LGSN: variants seen among roughly 807,000 people sequenced by gnomAD.
LGSN encodes the protein lengsin, lens protein with glutamine synthetase domain.
Under a neutral mutation model 19.5 loss-of-function variants are expected in LGSN, and 21 were observed. The ratio of observed to expected loss-of-function variants is 1.07; its 90% CI spans 0.76 to 1.55. The LOEUF (loss-of-function observed/expected upper bound fraction) is 1.55. Ranked by LOEUF, LGSN falls within the 40% of genes most tolerant of loss-of-function variation. The pLI, the probability that LGSN is intolerant of heterozygous loss-of-function variation, is 0.00. For missense variants in LGSN, 673 were observed against 608.5 expected (o/e 1.11, Z -1.12); for synonymous variants, 257 against 215.6 (o/e 1.19, Z -1.68).
the LGSN span, among the ~76,000 whole-genome samples, chr6:63,359,467 CT>C: frequency 6.6e-6 from 1 of 152,096 alleles, no homozygotes; most frequent in Non-Finnish European, 1.5e-5. Flanking sequence ...TGGTCCTGGA[CT>C]TTTTTTGGTT....
chr6:63,445,939 G>A, the LGSN span, among the ~76,000 whole-genome samples: 2 of 151,986 alleles, frequency 1.3e-5, no homozygotes, highest in Admixed American at 1.3e-4. Flanking sequence ...AAAGCATCTT[G>A]ACAATGGCCT....
rs1438001600 is a variant in LGSN, at chr6:63,281,306, TA to T, written c.331-87del. 3 of 144,022 alleles carry T rather than the reference TA, an allele frequency of 2.1e-5. No individual in the cohort carries two copies. The Admixed American group carries it at 2.2e-4, about 10-fold the overall frequency. The allele number at this position is 144,022 out of a possible 1,614,324, so 8.9% of individuals were successfully genotyped here. A position where few individuals can be genotyped will look rare whatever the true frequency, so the allele number is the denominator to read the frequency against. ...GGCGGGAAAGCCTTGCTAATGAAAA[TA>T]TATATATATATATATATATATATAA... On this transcript the variant is annotated intron_variant, in intron 3 of 3. Transcript: ENST00000370657.
At position 63,276,025 on chromosome 6, in the gene LGSN, A is replaced by C. The variant is rs1767097214; in HGVS notation, c.*3996T>G. On this transcript the variant is annotated 3_prime_UTR_variant, in exon 4 of 4. Transcript: ENST00000370657. ...ATTAGGAAGTATCATGTAAACCCCT[A>C]ATTATAGGCAGCATGAGAAGAGCTT... 1 of 152,246 alleles carries C rather than the reference A, an allele frequency of 6.6e-6. No homozygotes were observed. The highest frequency in any genetic ancestry group is 2.1e-4 in the South Asian group (1 of 4,832). 9.4% of individuals were successfully genotyped at this position (152,246 alleles called of 1,614,324 possible).
the LGSN span, chr6:63,441,319 G>A: frequency 3.6e-5 from 17 of 467,994 alleles, no homozygotes; most frequent in South Asian, 1.9e-5. Flanking sequence ...GACTTGGGCC[G>A]TTTGGTCAAC....
chr6:63,404,035 G>T, the LGSN span, among the ~76,000 whole-genome samples: 1 of 151,914 alleles, frequency 6.6e-6, no homozygotes, highest in Non-Finnish European at 1.5e-5. Context: ...ACAAGGAAAT[G>T]AATTCTGCCA....
At chr6:63,413,484 T>C in the LGSN span, among the ~76,000 whole-genome samples, 1 of 152,210 alleles carries the variant, frequency 6.6e-6, no homozygotes, top group African/African-American at 2.4e-5. Context: ...TTGTGACTGA[T>C]GACATTGCTT....
intron 1 of LGSN, among the ~76,000 whole-genome samples, chr6:63,302,087 T>C (rs1378174513): frequency 1.3e-5 from 2 of 152,138 alleles, no homozygotes; most frequent in Admixed American, 6.5e-5. Flanking sequence ...GCTTATTTGA[T>C]ATGTTAAATA....
chr6:63,307,761 C>T (rs1004012448), intron 1 of LGSN, among the ~76,000 whole-genome samples: 1 of 152,194 alleles, frequency 6.6e-6, no homozygotes, highest in East Asian at 1.9e-4. Flanking sequence ...GGAAAGATAA[C>T]TCATTCTAGA....
the LGSN span, among the ~76,000 whole-genome samples, chr6:63,348,186 A>G: frequency 6.6e-6 from 1 of 152,162 alleles, no homozygotes; most frequent in Non-Finnish European, 1.5e-5. Context: ...CAAAAGAAAG[A>G]ACAGACTAAT....
intron 1 of LGSN, among the ~76,000 whole-genome samples, chr6:63,301,387 T>C (rs1314962677): frequency 1.3e-5 from 2 of 152,140 alleles, no homozygotes; most frequent in East Asian, 1.9e-4. Context: ...GTGTATTTGT[T>C]GAGAAAAAAT....
the LGSN span, among the ~76,000 whole-genome samples, chr6:63,523,156 G>A: frequency 3.3e-5 from 5 of 152,042 alleles, no homozygotes; most frequent in Admixed American, 1.3e-4. Flanking sequence ...ACGAGCCATA[G>A]TACCCAGCCG....
At chr6:63,555,566 T>C in the LGSN span, among the ~76,000 whole-genome samples, 4 of 152,212 alleles carry the variant, frequency 2.6e-5, no homozygotes, top group Non-Finnish European at 5.9e-5. Flanking sequence ...GTGCCTATTG[T>C]AGTAGTTATG....
intron 1 of LGSN, among the ~76,000 whole-genome samples, chr6:63,300,390 G>A (rs1004106646): frequency 2.0e-5 from 3 of 152,188 alleles, no homozygotes; most frequent in South Asian, 4.1e-4. Context: ...AATAGGGAAA[G>A]GAGCAATGGC....
chr6:63,343,181 A>G, the LGSN span, among the ~76,000 whole-genome samples: 1 of 152,242 alleles, frequency 6.6e-6, no homozygotes, highest in Admixed American at 6.5e-5. Context: ...TAGTTGAAAG[A>G]AAACAGTCTA....
the LGSN span, among the ~76,000 whole-genome samples, chr6:63,356,429 C>G: frequency 6.6e-6 from 1 of 152,060 alleles, no homozygotes; most frequent in South Asian, 2.1e-4. Flanking sequence ...GTGATCCCAG[C>G]TACTCGGGAG....
chr6:63,440,959 C>T, the LGSN span: 718 of 156,956 alleles, frequency 4.6e-3, 16 homozygotes, highest in East Asian at 0.048. Context: ...GTAATCCCAA[C>T]ACTTTGAGAG....
At chr6:63,502,445 G>A in the LGSN span, among the ~76,000 whole-genome samples, 23 of 152,130 alleles carry the variant, frequency 1.5e-4, no homozygotes, top group African/African-American at 5.5e-4. Flanking sequence ...TAATTTCTGT[G>A]AGAATGAACA....
At chr6:63,567,771 A>C in the LGSN span, among the ~76,000 whole-genome samples, 2 of 152,174 alleles carry the variant, frequency 1.3e-5, no homozygotes, top group Non-Finnish European at 2.9e-5. Context: ...CCAGTATAAG[A>C]CTGTTTTGTC....
the LGSN span, among the ~76,000 whole-genome samples, chr6:63,328,785 G>A: frequency 2.0e-5 from 3 of 152,200 alleles, no homozygotes; most frequent in African/African-American, 4.8e-5. Context: ...TCTGCCTCTG[G>A]TTCCCATTCT....
Sources: gnomAD v4.1 joint callset for allele counts (sites outside exome capture counted in the v4.1 genomes callset) on GRCh38, gnomAD v4.1.1 for gene constraint, MANE v1.5 for transcripts, NCBI Gene and HGNC (gene_info 2026-07-23, HGNC 2026-07-21) for gene names.